Variants in MTA3 observed in about 807,000 individuals in gnomAD.
MTA3 encodes the protein metastasis-associated protein MTA3.
MTA3 carries 34 observed loss-of-function variants against 83.5 expected under a neutral mutation model. The observed-to-expected ratio is 0.41, with a 90% CI of 0.31 to 0.54. MTA3 has a LOEUF of 0.54. MTA3 is among the 20% of genes least tolerant of loss of function. MTA3 has a pLI of 0.33. For missense variants in MTA3, 761 were observed against 726.4 expected (o/e 1.05, Z -0.55); for synonymous variants, 303 against 252.7 (o/e 1.20, Z -1.89).
intron 2 of MTA3, among the ~76,000 whole-genome samples, chr2:42,561,802 C>T (rs1170670392): frequency 6.6e-6 from 1 of 151,988 alleles, no homozygotes; most frequent in Non-Finnish European, 1.5e-5. Context: ...TTTCTGTGTC[C>T]CTTAATCTGT....
chr2:42,594,729 T>TATA (rs1491154379), intron 3 of MTA3, among the ~76,000 whole-genome samples: 5 of 19,150 alleles, frequency 2.6e-4, no homozygotes, highest in Admixed American at 8.2e-4. Context: ...TATATATATA[T>TATA]TTTTTTTTTT....
At chr2:42,605,664 G>C (rs1683211911) in intron 3 of MTA3, among the ~76,000 whole-genome samples, 1 of 113,610 alleles carries the variant, frequency 8.8e-6, no homozygotes. Context: ...CGGGCGGGGG[G>C]CTGACCCCCC....
At position 42,754,078 on chromosome 2, in the gene MTA3, GT is replaced by G; in HGVS notation, c.*680del. ...AGATAAGCCTGTAAACTCATCATCTGTGTTTTGTGGTTGGAGAGAAACTGGT... is the reference window on the plus strand; with the variant it reads ...AGATAAGCCTGTAAACTCATCATCTGGTTTTGTGGTTGGAGAGAAACTGGT... On this transcript the variant is annotated 3_prime_UTR_variant, in exon 17 of 17. Coordinates refer to ENST00000405094, the MANE Select transcript of MTA3 (RefSeq NM_001330442.2). 2 of 985,464 alleles carry G rather than the reference GT, an allele frequency of 2.0e-6. No individual in the cohort carries two copies. The highest frequency in any genetic ancestry group is 2.4e-6 in the Non-Finnish European group (2 of 829,966). The allele number at this position is 985,464 out of a possible 1,614,324, so 61.0% of individuals were successfully genotyped here.
chr2:42,599,317 G>A (rs1456524796), intron 3 of MTA3, among the ~76,000 whole-genome samples: 2 of 152,154 alleles, frequency 1.3e-5, no homozygotes, highest in African/African-American at 4.8e-5. Flanking sequence ...TACCGGGCGC[G>A]GCGGCTTATG....
intron 2 of MTA3, among the ~76,000 whole-genome samples, chr2:42,519,347 T>G (rs989979023): frequency 3.3e-5 from 5 of 152,144 alleles, no homozygotes; most frequent in African/African-American, 1.2e-4. Context: ...GGCTCACAAC[T>G]GTGATCCCAG....
At chr2:42,505,727 T>C (rs1396201823) in intron 2 of MTA3, among the ~76,000 whole-genome samples, 1 of 151,516 alleles carries the variant, frequency 6.6e-6, no homozygotes, top group African/African-American at 2.4e-5. Context: ...CAAGGGCAAG[T>C]GGGTGGGAAT....
rs145372698 is a variant in MTA3 at position 42,755,391 on chromosome 2, A to G, written c.*1992A>G. 8 of 985,490 alleles carry G rather than the reference A, an allele frequency of 8.1e-6. No homozygotes were observed. The African/African-American group carries it at 1.4e-4, about 17-fold the overall frequency. 61.0% of individuals were successfully genotyped at this position (985,490 alleles called of 1,614,324 possible). On this transcript the variant is annotated 3_prime_UTR_variant, in exon 17 of 17. Coordinates refer to ENST00000405094, the MANE Select transcript of MTA3 (RefSeq NM_001330442.2). ...ACCCAGGCCCAAGAGATTTGGAGAC[A>G]GGAGTCAGGCCAGGTCTGAAGCAGG... is the stretch of plus-strand genomic sequence containing the variant.
intron 6 of MTA3, among the ~76,000 whole-genome samples, chr2:42,654,767 A>G (rs1689012251): frequency 1.3e-5 from 2 of 152,174 alleles, no homozygotes; most frequent in African/African-American, 4.8e-5. Flanking sequence ...GGCATATGCC[A>G]CAACACATGG....
At chr2:42,624,621 C>A (rs1685902630) in intron 4 of MTA3, among the ~76,000 whole-genome samples, 1 of 151,872 alleles carries the variant, frequency 6.6e-6, no homozygotes, top group South Asian at 2.1e-4. Flanking sequence ...CCACTGTGCC[C>A]AGCCTCTTTT....
intron 14 of MTA3, among the ~76,000 whole-genome samples, chr2:42,716,880 C>T (rs1374714831): frequency 6.6e-6 from 1 of 152,112 alleles, no homozygotes; most frequent in Admixed American, 6.5e-5. Context: ...AGTTCTGTTT[C>T]TAGCTCTTTG....
intron 9 of MTA3, among the ~76,000 whole-genome samples, chr2:42,684,275 C>T (rs759567424): frequency 3.9e-5 from 6 of 152,020 alleles, no homozygotes; most frequent in Non-Finnish European, 7.4e-5. Flanking sequence ...CTTTATAGAC[C>T]ATTACGTATT....
chr2:42,708,897 G>C lies in MTA3; in HGVS notation c.1326G>C (p.Val442=). 1 of 1,613,954 alleles carries C rather than the reference G, an allele frequency of 6.2e-7. No homozygotes were observed. The highest frequency in any genetic ancestry group is 8.5e-7 in the Non-Finnish European group (1 of 1,179,878). The part of the protein sequence containing the change: ...TTEDPRVRSH[V]SRQAMQGMPV... ...AGGACCCTCGTGTTAGAAGTCACGT[G>C]TCCCGCCAGGCCATGCAGGGAATGC... The change falls in exon 14 of 17, where the codon GTG becomes GTC. Residue 442 remains valine (V), a synonymous_variant. Transcript: ENST00000405094.
intron 2 of MTA3, among the ~76,000 whole-genome samples, chr2:42,576,276 T>A (rs1406267089): frequency 1.3e-5 from 2 of 152,080 alleles, no homozygotes; most frequent in Non-Finnish European, 2.9e-5. Context: ...AACCTTGACA[T>A]AGAGAATGAC....
chr2:42,507,033 T>C (rs1441418128), intron 2 of MTA3, among the ~76,000 whole-genome samples: 1 of 152,084 alleles, frequency 6.6e-6, no homozygotes, highest in African/African-American at 2.4e-5. Flanking sequence ...GCCTCCCGAG[T>C]AGCTGGAGTA....
intron 4 of MTA3, among the ~76,000 whole-genome samples, chr2:42,616,027 C>T (rs906441018): frequency 1.3e-5 from 2 of 151,532 alleles, no homozygotes; most frequent in South Asian, 2.1e-4. Context: ...GCCGTACAGG[C>T]GTGAGCCACC....
chr2:42,645,991 A>T (rs527486492), intron 6 of MTA3, among the ~76,000 whole-genome samples: 1 of 152,336 alleles, frequency 6.6e-6, no homozygotes, highest in South Asian at 2.1e-4. Flanking sequence ...TTAGTGACTA[A>T]TGTAGCTGGT....
At chr2:42,620,523 C>T (rs552308323) in intron 4 of MTA3, among the ~76,000 whole-genome samples, 4 of 152,226 alleles carry the variant, frequency 2.6e-5, no homozygotes, top group Admixed American at 6.5e-5. Flanking sequence ...GATAGGGTCT[C>T]GCTCTGTTGC....
At chr2:42,513,127 C>A (rs1674977669) in intron 2 of MTA3, among the ~76,000 whole-genome samples, 1 of 152,214 alleles carries the variant, frequency 6.6e-6, no homozygotes, top group African/African-American at 2.4e-5. Context: ...ATACGAGAGG[C>A]TAGTGTTTCT....
At chr2:42,519,919 G>A (rs1339272072) in intron 2 of MTA3, among the ~76,000 whole-genome samples, 3 of 152,092 alleles carry the variant, frequency 2.0e-5, no homozygotes, top group South Asian at 4.1e-4. Context: ...TTGAATGCCT[G>A]TAATCCCAGC....
Sources: gnomAD v4.1 joint callset for allele counts (sites outside exome capture counted in the v4.1 genomes callset) on GRCh38, gnomAD v4.1.1 for gene constraint, MANE v1.5 for transcripts, NCBI Gene and HGNC (gene_info 2026-07-23, HGNC 2026-07-21) for gene names.